BHLHE41: variants seen among roughly 807,000 people sequenced by gnomAD.
BHLHE41 encodes the protein basic helix-loop-helix family member e41.
In BHLHE41, 14 loss-of-function variants were observed where a neutral mutation model predicts 24.0. The observed-to-expected ratio is 0.58, with a 90% CI of 0.39 to 0.91. BHLHE41 has a LOEUF of 0.91. BHLHE41 is among the 40% of genes least tolerant of loss of function. BHLHE41 has a pLI of 0.00. For synonymous variants in BHLHE41, 394 were observed against 315.5 expected, an observed-to-expected ratio of 1.25 and a Z score of -2.64; for missense variants, 674 against 655.4, an observed-to-expected ratio of 1.03 and a Z score of -0.31.
chr12:26,124,958 GCACA>G lies in BHLHE41; in HGVS notation c.-183_-180del, dbSNP rs778562866. 30 of 690,570 alleles carry G rather than the reference GCACA, an allele frequency of 4.3e-5. 1 individual carries two copies. Among genetic ancestry groups the G allele is most frequent in the South Asian group, 3.0e-4 (19 of 63,902 alleles). 42.8% of individuals were successfully genotyped at this position (690,570 alleles called of 1,614,324 possible). ...TTGGTCCCCCCCCTCCACCGCGCTCGCACACACACACGCACACACACGCACACTC... is the reference window on the plus strand; with the variant it reads ...TTGGTCCCCCCCCTCCACCGCGCTCGCACACACGCACACACACGCACACTC... On this transcript the variant is annotated 5_prime_UTR_variant, in exon 1 of 5. Transcript: ENST00000242728.
Position 26,125,004 on chromosome 12 carries a change from G to A in BHLHE41, c.-225C>T, listed in dbSNP as rs1194641292. The A allele has an allele frequency of 8.0e-6, 5 of 627,378 alleles. No individual in the cohort carries two copies. Among genetic ancestry groups the A allele is most frequent in the Non-Finnish European group, 1.4e-5 (5 of 345,868 alleles). 38.9% of individuals were successfully genotyped at this position (627,378 alleles called of 1,614,324 possible). On this transcript the variant is annotated 5_prime_UTR_variant, in exon 1 of 5. Transcript: ENST00000242728. The stretch of plus-strand genomic sequence containing the variant: ...CGCACACTCGCGCCGGCCCCACTGC[G>A]CTGGTAGTTTGCTCTCACTCCAGGC...
chr12:26,124,956 T>C lies in BHLHE41; in HGVS notation c.-177A>G. 1.4e-6 allele frequency: 1 copy of C among 696,454 alleles called. No individual in the cohort carries two copies. The highest frequency in any genetic ancestry group is 2.6e-6 in the Non-Finnish European group (1 of 386,360). 43.1% of individuals were successfully genotyped at this position (696,454 alleles called of 1,614,324 possible). On this transcript the variant is annotated 5_prime_UTR_variant, in exon 1 of 5. Coordinates refer to ENST00000242728, the MANE Select transcript of BHLHE41 (RefSeq NM_030762.3). Reference sequence around the variant, plus strand: ...AGTTGGTCCCCCCCCTCCACCGCGCTCGCACACACACACGCACACACACGC... The same window carrying C: ...AGTTGGTCCCCCCCCTCCACCGCGCCCGCACACACACACGCACACACACGC...
At position 26,123,186 on chromosome 12, in the gene BHLHE41, T is replaced by G; in HGVS notation, c.347-18A>C. 6.4e-7 allele frequency: 1 copy of G among 1,564,716 alleles called. No individual in the cohort carries two copies. Among genetic ancestry groups the G allele is most frequent in the Non-Finnish European group, 8.7e-7 (1 of 1,151,458 alleles). On this transcript the variant is annotated intron_variant, in intron 4 of 4. Coordinates refer to ENST00000242728, the MANE Select transcript of BHLHE41 (RefSeq NM_030762.3). ...TCGCTCCCCTAGGATGAGGAAGGGA[T>G]GGGGGTGGGGGACGGAGGAGTGGAG...
intron 4 of BHLHE41, 40 bp downstream of exon 4, chr12:26,123,590 C>G: frequency 1.0e-5 from 15 of 1,441,634 alleles, no homozygotes; most frequent in Non-Finnish European, 1.5e-5. Flanking sequence ...TGGGCTGCCC[C>G]GCTTCATCAG....
intron 2 of BHLHE41, 84 bp from the exon 3 acceptor site, chr12:26,124,263 C>G: frequency 1.8e-6 from 1 of 558,502 alleles, no homozygotes. Flanking sequence ...GCCCCCCCCG[C>G]CCCCCCACCA....
chr12:26,124,998 C>A lies in BHLHE41; in HGVS notation c.-219G>T. The A allele has an allele frequency of 1.6e-6, 1 of 635,434 alleles. No individual in the cohort carries two copies. The highest frequency in any genetic ancestry group is 2.9e-6 in the Non-Finnish European group (1 of 350,288). The allele number at this position is 635,434 out of a possible 1,614,324, so 39.4% of individuals were successfully genotyped here. On this transcript the variant is annotated 5_prime_UTR_variant, in exon 1 of 5. Coordinates refer to ENST00000242728, the MANE Select transcript of BHLHE41 (RefSeq NM_030762.3). ...CACACACGCACACTCGCGCCGGCCC[C>A]ACTGCGCTGGTAGTTTGCTCTCACT...
Position 26,121,747 on chromosome 12 carries a change from CCT to C in BHLHE41, c.*317_*318del. 1 of 385,560 alleles carries C rather than the reference CCT, an allele frequency of 2.6e-6. No individual in the cohort carries two copies. The highest frequency in any genetic ancestry group is 4.6e-6 in the Non-Finnish European group (1 of 215,948). 23.9% of individuals were successfully genotyped at this position (385,560 alleles called of 1,614,324 possible). A position where few individuals can be genotyped will look rare whatever the true frequency, so the allele number is the denominator to read the frequency against. ...AATTTTAAGAGATAATGGAACATGG[CCT>C]AAAAGGGGGCAAAATTTATTTGGGG... On this transcript the variant is annotated 3_prime_UTR_variant, in exon 5 of 5. Coordinates refer to ENST00000242728, the MANE Select transcript of BHLHE41 (RefSeq NM_030762.3).
rs767746912 is a variant in BHLHE41, at chr12:26,122,504, G to A, written c.1011C>T (p.Phe337=). The A allele has an allele frequency of 1.3e-5, 17 of 1,313,122 alleles. No individual in the cohort carries two copies. In the Admixed American group the frequency reaches 3.4e-4, roughly 26 times the overall value. 81.3% of individuals were successfully genotyped at this position (1,313,122 alleles called of 1,614,324 possible). A position where few individuals can be genotyped will look rare whatever the true frequency, so the allele number is the denominator to read the frequency against. ...GGGCCGCGGCGGCCGCGGGCTGCGG[G>A]AAGGGCGCGCCTCCGCCTCCGCCGA... is the stretch of plus-strand genomic sequence containing the variant. ...VAFGGGGGAP[F]PQPAAAAAPF... Residue 337 remains phenylalanine, a synonymous_variant, in exon 5 of 5, where the codon TTC becomes TTT. Coordinates refer to ENST00000242728, the MANE Select transcript of BHLHE41 (RefSeq NM_030762.3).
rs1414666536 is a variant in BHLHE41 at position 26,122,638 on chromosome 12, G to GACC, written c.876_877insGGT (p.Gly292dup). On this transcript the variant is annotated inframe_insertion, in exon 5 of 5. Transcript: ENST00000242728. ...GCCGCCGCCGCCGCGCCGCCCCCCG[G>GACC]GCCGCCGCCGCTGCCGCCGCCGCGG... 2 of 1,304,144 alleles carry GACC rather than the reference G, an allele frequency of 1.5e-6. No homozygotes were observed. The highest frequency in any genetic ancestry group is 6.3e-5 in the East Asian group (2 of 31,610). The allele number at this position is 1,304,144 out of a possible 1,614,324, so 80.8% of individuals were successfully genotyped here.
In BHLHE41 at chr12:26,122,399, C is replaced by T; in HGVS notation, c.1116G>A (p.Leu372=). Reference sequence around the variant, plus strand: ...CCGCCGCCGGGTACAGATACTTCTCCAGGCCGCTCTTGTCCAGGAAGGGCT... The same window carrying T: ...CCGCCGCCGGGTACAGATACTTCTCTAGGCCGCTCTTGTCCAGGAAGGGCT... ...YVQPFLDKSG[L]EKYLYPAAAA... is the part of the protein sequence containing the mutation. The change falls in exon 5 of 5, where the codon CTG becomes CTA. Residue 372 remains leucine (L), a synonymous_variant. Transcript: ENST00000242728. The T allele has an allele frequency of 7.8e-7, 1 of 1,283,606 alleles. No homozygotes were observed. The highest frequency in any genetic ancestry group is 9.9e-7 in the Non-Finnish European group (1 of 1,006,844). The allele number at this position is 1,283,606 out of a possible 1,614,324, so 79.5% of individuals were successfully genotyped here. A position where few individuals can be genotyped will look rare whatever the true frequency, so the allele number is the denominator to read the frequency against.
In BHLHE41 at chr12:26,122,525, G is replaced by T. The variant is rs1356414573; in HGVS notation, c.990C>A (p.Gly330=). Residue 330 remains glycine (G), a synonymous_variant, in exon 5 of 5, where the codon GGC becomes GGA. Coordinates refer to ENST00000242728, the MANE Select transcript of BHLHE41 (RefSeq NM_030762.3). The stretch of plus-strand genomic sequence containing the variant: ...GCGGGAAGGGCGCGCCTCCGCCTCC[G>T]CCGAACGCCACCAGCGAGCTGAGCA... ...AALLSSLVAF[G]GGGGAPFPQP... The T allele has an allele frequency of 7.8e-6, 10 of 1,282,058 alleles. No individual in the cohort carries two copies. The highest frequency in any genetic ancestry group is 1.0e-5 in the Non-Finnish European group (10 of 1,004,240). The allele number at this position is 1,282,058 out of a possible 1,614,324, so 79.4% of individuals were successfully genotyped here.
chr12:26,124,363 A>T (rs1271056440), intron 2 of BHLHE41, among the ~76,000 whole-genome samples, 156 bp downstream of exon 2: 1 of 147,868 alleles, frequency 6.8e-6, no homozygotes, highest in East Asian at 2.0e-4. Context: ...ATGATGTTTA[A>T]TATCCCCCTG....
At position 26,123,089 on chromosome 12, in the gene BHLHE41, G is replaced by A; in HGVS notation, c.426C>T (p.Val142=). 5 of 1,605,678 alleles carry A rather than the reference G, an allele frequency of 3.1e-6. No homozygotes were observed. The highest frequency in any genetic ancestry group is 1.1e-5 in the South Asian group (1 of 89,104). ...TCTCAAACCGGGAGAGGTATTGCAA[G>A]ACTTCTTTGGCGCATGTTTGAAATC... The part of the protein sequence containing the change: ...HSGFQTCAKE[V]LQYLSRFESW... The change falls in exon 5 of 5, where the codon GTC becomes GTT. Residue 142 remains valine (V), a synonymous_variant. Coordinates refer to ENST00000242728, the MANE Select transcript of BHLHE41 (RefSeq NM_030762.3).
chr12:26,122,195 G>T lies in BHLHE41; in HGVS notation c.1320C>A (p.Pro440=), dbSNP rs1247712250. ...AATLLPHEVA[P]LGAPHPQHPH... ...GGTGCTGGGGGTGCGGCGCCCCAAG[G>T]GGCGCCACCTCGTGCGGCAGGAGGG... Residue 440 remains proline, a synonymous_variant, in exon 5 of 5, where the codon CCC becomes CCA. Transcript: ENST00000242728. 7.0e-7 allele frequency: 1 copy of T among 1,436,738 alleles called. No homozygotes were observed. Among genetic ancestry groups the T allele is most frequent in the Non-Finnish European group, 9.1e-7 (1 of 1,097,880 alleles). The allele number at this position is 1,436,738 out of a possible 1,614,324, so 89.0% of individuals were successfully genotyped here. A position where few individuals can be genotyped will look rare whatever the true frequency, so the allele number is the denominator to read the frequency against.
intron 4 of BHLHE41, 110 bp from the exon 5 acceptor site, chr12:26,123,278 T>C (rs1944331419): frequency 9.6e-6 from 13 of 1,358,978 alleles, no homozygotes; most frequent in Middle Eastern, 2.1e-4. Context: ...ACTAAAGTGA[T>C]CTCGGTTTTT....
At position 26,123,626 on chromosome 12, in the gene BHLHE41, T is replaced by C. The variant is rs767880967; in HGVS notation, c.346+4A>G. 2.5e-6 allele frequency: 4 copies of C among 1,608,566 alleles called. No homozygotes were observed. In the South Asian group the frequency reaches 4.4e-5, roughly 18 times the overall value. ...GGTAGGCTGGCCTCCCTGAACTGAC[T>C]TACCATTCTGTAAAGCAATTATCTT... is the stretch of plus-strand genomic sequence containing the variant. On this transcript the variant is annotated splice_donor_region_variant and intron_variant, in intron 4 of 4. Transcript: ENST00000242728.
Position 26,122,683 on chromosome 12 carries a change from TG to T in BHLHE41, c.831del (p.Lys278ArgfsTer3). 6.4e-7 allele frequency: 1 copy of T among 1,551,954 alleles called. No individual in the cohort carries two copies. On this transcript the variant is annotated frameshift_variant, in exon 5 of 5. Transcript: ENST00000242728. LOFTEE classifies it low-confidence loss of function (END_TRUNC). ...CCGCGGGAATCCAGCTTCATCCTCT[TG>T]GGCGCCGGCGAGTCCTCCCCGGGAG... ...QEPPGEDSPA[P>X]KRMKLDSRGG...
chr12:26,120,337 T>C lies in BHLHE41; in HGVS notation c.*1729A>G, dbSNP rs1197964812. ...GTGGCAATATTTAGGTAATAGAATT[T>C]ATGGAGTGCTGAAAATACTAGAATA... is the stretch of plus-strand genomic sequence containing the variant. On this transcript the variant is annotated 3_prime_UTR_variant, in exon 5 of 5. Transcript: ENST00000242728. The C allele has an allele frequency of 2.6e-5, 4 of 152,690 alleles. No individual in the cohort carries two copies. 9.5% of individuals were successfully genotyped at this position (152,690 alleles called of 1,614,324 possible).
intron 3 of BHLHE41, 82 bp from the exon 4 acceptor site, chr12:26,123,823 C>T (rs1944336862): frequency 8.8e-6 from 8 of 909,288 alleles, no homozygotes; most frequent in Non-Finnish European, 1.5e-5. Flanking sequence ...TTCAGCACAG[C>T]AATTTAAGCA....
Sources: allele counts gnomAD v4.1 joint callset (sites outside exome capture counted in the v4.1 genomes callset), GRCh38; gene constraint gnomAD v4.1.1; transcripts MANE v1.5; gene names NCBI Gene and HGNC (gene_info 2026-07-23, HGNC 2026-07-21).